Variants in BRINP1 observed in about 807,000 individuals in gnomAD.
BRINP1 encodes the protein BMP/retinoic acid-inducible neural-specific protein 1.
A neutral mutation model predicts 72.9 loss-of-function variants in BRINP1; 17 were observed. That is an observed-to-expected ratio of 0.23 (90% CI 0.16 to 0.35). BRINP1 has a LOEUF of 0.35. Ranked by LOEUF, BRINP1 falls within the 10% of genes least tolerant of loss-of-function variation. The pLI is 1.00. For missense variants in BRINP1, 850 were observed against 1,001.6 expected (o/e 0.85, Z 2.04); for synonymous variants, 418 against 378.5 (o/e 1.10, Z -1.21).
chr9:119,271,029 A>G (rs79155079), intron 2 of BRINP1, among the ~76,000 whole-genome samples: 3,595 of 152,216 alleles, frequency 0.024, 113 homozygotes, highest in African/African-American at 0.08. Flanking sequence ...TTGGTTGCAA[A>G]ATAAAGAGGG....
chr9:119,367,221 GATATATATATAT>G (rs6151155), intron 1 of BRINP1, among the ~76,000 whole-genome samples: 1,116 of 99,894 alleles, frequency 0.011, 79 homozygotes, highest in African/African-American at 0.04. Context: ...GTGTGTGATT[GATATATATATAT>G]ATATATATAT....
intron 2 of BRINP1, among the ~76,000 whole-genome samples, chr9:119,296,376 A>T (rs1336164737): frequency 6.6e-6 from 1 of 152,308 alleles, no homozygotes; most frequent in Non-Finnish European, 1.5e-5. Context: ...GTATTATAAA[A>T]TTTTGAAAAA....
At chr9:119,318,643 G>A (rs1831150372) in intron 1 of BRINP1, among the ~76,000 whole-genome samples, 1 of 152,176 alleles carries the variant, frequency 6.6e-6, no homozygotes, top group Non-Finnish European at 1.5e-5. Flanking sequence ...ATTGTTGGGA[G>A]ATCCTGGTAG....
chr9:119,168,688 T>TGAGGGTGTATAACATCTACCA (rs1487295695), intron 7 of BRINP1, among the ~76,000 whole-genome samples: 2 of 152,256 alleles, frequency 1.3e-5, no homozygotes, highest in African/African-American at 4.8e-5. Flanking sequence ...ATTCCTCCCA[T>TGAGGGTGTATAACATCTACCA]GAGGGTGTAT....
chr9:119,270,758 A>T (rs1830598252), intron 2 of BRINP1, among the ~76,000 whole-genome samples: 1 of 152,228 alleles, frequency 6.6e-6, no homozygotes, highest in Non-Finnish European at 1.5e-5. Context: ...TTGAGTTGAC[A>T]AATCTAGATT....
intron 5 of BRINP1, among the ~76,000 whole-genome samples, chr9:119,224,037 A>AAATTAAATTTAATTGCATAGTAGGTATGC (rs1234730163): frequency 3.3e-5 from 5 of 152,032 alleles, no homozygotes; most frequent in African/African-American, 1.2e-4. Context: ...AGGTATGCAA[A>AAATTAAATTTAATTGCATAGTAGGTATGC]AATTAAAGTA....
At chr9:119,183,625 A>C (rs1354899124) in intron 7 of BRINP1, among the ~76,000 whole-genome samples, 1 of 152,224 alleles carries the variant, frequency 6.6e-6, no homozygotes, top group Non-Finnish European at 1.5e-5. Context: ...CGTATGTAAT[A>C]CTTTAGTAAA....
intron 2 of BRINP1, among the ~76,000 whole-genome samples, chr9:119,250,528 A>T (rs1033317018): frequency 3.9e-5 from 6 of 152,236 alleles, no homozygotes; most frequent in Non-Finnish European, 8.8e-5. Flanking sequence ...CAGGAATTAC[A>T]TGAAACATAG....
intron 1 of BRINP1, among the ~76,000 whole-genome samples, chr9:119,342,915 A>AC (rs1831418730): frequency 6.6e-6 from 1 of 152,162 alleles, no homozygotes; most frequent in East Asian, 1.9e-4. Context: ...TTCTATTATA[A>AC]TATTAAAGAA....
At chr9:119,191,725 T>C (rs1829685661) in intron 7 of BRINP1, among the ~76,000 whole-genome samples, 1 of 151,852 alleles carries the variant, frequency 6.6e-6, no homozygotes, top group South Asian at 2.1e-4. Context: ...CGTATAAAAA[T>C]GTCGATGTCA....
rs1374236524 is a variant in BRINP1 at position 119,311,733 on chromosome 9, C to T, written c.218+1405G>A. On this transcript the variant is annotated intron_variant, in intron 2 of 7. Transcript: ENST00000265922. ...CATCCTCATTGGCAACCTTTTACTT[C>T]TCAACATGTCTAAAACAACCCCCCA... is the stretch of plus-strand genomic sequence containing the variant. 2.0e-5 allele frequency among the ~76,000 whole-genome samples: 3 copies of T among 152,166 alleles called. No individual in the cohort carries two copies. In the East Asian group the frequency reaches 5.8e-4, roughly 29 times the overall value.
intron 7 of BRINP1, among the ~76,000 whole-genome samples, chr9:119,197,056 T>C (rs1438594403): frequency 6.6e-6 from 1 of 152,240 alleles, no homozygotes; most frequent in East Asian, 1.9e-4. Context: ...AAACAAGTTA[T>C]CTGCCTTCAC....
intron 1 of BRINP1, among the ~76,000 whole-genome samples, chr9:119,358,283 C>G (rs1831590685): frequency 6.6e-6 from 1 of 151,348 alleles, no homozygotes; most frequent in African/African-American, 2.4e-5. Flanking sequence ...AATACCCTGT[C>G]TTATACATTA....
In BRINP1 at chr9:119,217,262, T is replaced by C. The variant is rs538089426; in HGVS notation, c.686-3107A>G. Among the ~76,000 whole-genome samples the C allele has an allele frequency of 7.2e-5, 11 of 151,942 alleles. No individual in the cohort carries two copies. In the East Asian group the frequency reaches 1.9e-3, roughly 27 times the overall value. On this transcript the variant is annotated intron_variant, in intron 5 of 7. Transcript: ENST00000265922. Reference sequence around the variant, plus strand: ...TTGTGAAACCACTGTTTGAAAGATATACAGCTGCCGGCTGGGGTGAAATAT... The same window carrying C: ...TTGTGAAACCACTGTTTGAAAGATACACAGCTGCCGGCTGGGGTGAAATAT...
At chr9:119,218,918 C>T (rs1452844808) in intron 5 of BRINP1, among the ~76,000 whole-genome samples, 1 of 151,984 alleles carries the variant, frequency 6.6e-6, no homozygotes, top group Non-Finnish European at 1.5e-5. Flanking sequence ...CTTGCAATGC[C>T]ATGGTATAAG....
chr9:119,281,578 T>C (rs1413353555), intron 2 of BRINP1, among the ~76,000 whole-genome samples: 1 of 152,196 alleles, frequency 6.6e-6, no homozygotes, highest in Non-Finnish European at 1.5e-5. Flanking sequence ...AAGTCAGCAT[T>C]GTCAGGGAAT....
At chr9:119,345,426 T>C (rs1831439840) in intron 1 of BRINP1, among the ~76,000 whole-genome samples, 1 of 152,220 alleles carries the variant, frequency 6.6e-6, no homozygotes, top group African/African-American at 2.4e-5. Context: ...AAAGAAATGA[T>C]TGATCTCACT....
intron 2 of BRINP1, among the ~76,000 whole-genome samples, chr9:119,287,696 C>T (rs1174691847): frequency 1.3e-5 from 2 of 152,236 alleles, no homozygotes; most frequent in Non-Finnish European, 2.9e-5. Flanking sequence ...GCATTCATAT[C>T]TGAAGGTAGC....
chr9:119,337,868 A>C (rs2119018963), intron 1 of BRINP1, among the ~76,000 whole-genome samples: 1 of 152,368 alleles, frequency 6.6e-6, no homozygotes, highest in African/African-American at 2.4e-5. Context: ...GTCCTTCAAA[A>C]GATATACCAT....
Sources: allele counts gnomAD v4.1 joint callset (sites outside exome capture counted in the v4.1 genomes callset), GRCh38; gene constraint gnomAD v4.1.1; transcripts MANE v1.5; gene names NCBI Gene and HGNC (gene_info 2026-07-23, HGNC 2026-07-21).